RBMS1: variants seen among roughly 807,000 people sequenced by gnomAD.
RBMS1 encodes the protein RNA binding motif single stranded interacting protein 1.
A neutral mutation model predicts 62.3 loss-of-function variants in RBMS1; 17 were observed. That is an observed-to-expected ratio of 0.27 (90% CI 0.19 to 0.41). The LOEUF is 0.41. Among genes scored for constraint, RBMS1 ranks in the 10% least tolerant of loss-of-function variants. The probability of loss-of-function intolerance (pLI) is 1.00; values close to 1 mark genes in which losing one functional copy is unlikely to be tolerated. For synonymous variants in RBMS1, 172 were observed against 170.0 expected, an observed-to-expected ratio of 1.01 and a Z score of -0.09; for missense variants, 334 against 504.5, an observed-to-expected ratio of 0.66 and a Z score of 3.24.
intron 1 of RBMS1, among the ~76,000 whole-genome samples, chr2:160,477,132 A>T (rs1685175930): frequency 6.6e-6 from 1 of 152,172 alleles, no homozygotes; most frequent in African/African-American, 2.4e-5. Flanking sequence ...TTTTTTAAGC[A>T]ACGAAAGAAT....
chr2:160,387,600 C>G (rs1694651741), intron 1 of RBMS1, among the ~76,000 whole-genome samples: 1 of 152,104 alleles, frequency 6.6e-6, no homozygotes, highest in South Asian at 2.1e-4. Context: ...CTTTCCTACT[C>G]TGTGTACAGC....
At position 160,472,744 on chromosome 2, in the gene RBMS1, T is replaced by C. The variant is rs76253282; in HGVS notation, c.75+20545A>G. Among the ~76,000 whole-genome samples the C allele has an allele frequency of 5.7e-3, 871 of 152,330 alleles. 4 individuals carry two copies. Among genetic ancestry groups the C allele is most frequent in the Non-Finnish European group, 9.3e-3 (635 of 68,008 alleles). On this transcript the variant is annotated intron_variant, in intron 1 of 13. Transcript: ENST00000348849. ...AGCTCAGTTGCAAACAATATAAGTA[T>C]TGCATTCTTTGACAGTCACAGAAAT...
chr2:160,400,489 ATT>A (rs1475460549), intron 1 of RBMS1, among the ~76,000 whole-genome samples: 1 of 152,216 alleles, frequency 6.6e-6, no homozygotes, highest in East Asian at 1.9e-4. Context: ...GGCTTGTCAC[ATT>A]TAATACAGAA....
chr2:160,278,303 T>A lies in RBMS1; in HGVS notation c.1062+245A>T, dbSNP rs1687937026. The stretch of plus-strand genomic sequence containing the variant: ...ATAGATGACACTAGTCATAAAAGGC[T>A]AGATGTGGTCACGTGTGGGTGCTAT... On this transcript the variant is annotated intron_variant, in intron 11 of 13. Transcript: ENST00000348849. 5.7e-6 allele frequency: 3 copies of A among 530,752 alleles called. No homozygotes were observed. In the East Asian group the frequency reaches 1.0e-4, roughly 18 times the overall value. 32.9% of individuals were successfully genotyped at this position (530,752 alleles called of 1,614,324 possible). A position where few individuals can be genotyped will look rare whatever the true frequency, so the allele number is the denominator to read the frequency against.
At chr2:160,372,715 G>T (rs1693791949) in intron 1 of RBMS1, among the ~76,000 whole-genome samples, 1 of 152,152 alleles carries the variant, frequency 6.6e-6, no homozygotes. Context: ...CCATATGAGT[G>T]ACTGAGAGAG....
intron 1 of RBMS1, among the ~76,000 whole-genome samples, chr2:160,433,416 G>GA (rs1019490496): frequency 5.3e-5 from 8 of 152,158 alleles, no homozygotes; most frequent in African/African-American, 1.2e-4. Context: ...CTTGTCGCCA[G>GA]AAAAAAACAA....
intron 1 of RBMS1, among the ~76,000 whole-genome samples, chr2:160,472,945 T>C (rs535095648): frequency 5.3e-5 from 8 of 152,326 alleles, no homozygotes; most frequent in Admixed American, 3.3e-4. Context: ...ATAATGGTGC[T>C]CTTTTAGCAG....
At chr2:160,471,526 G>C (rs1441703733) in intron 1 of RBMS1, among the ~76,000 whole-genome samples, 2 of 151,176 alleles carry the variant, frequency 1.3e-5, no homozygotes, top group Non-Finnish European at 3.0e-5. Context: ...TATTTTTGGG[G>C]AGAGAGAAGC....
intron 1 of RBMS1, among the ~76,000 whole-genome samples, chr2:160,384,193 T>C (rs2105195426): frequency 6.6e-6 from 1 of 152,254 alleles, no homozygotes. Flanking sequence ...CGAGACTCTG[T>C]CTCAAAATAA....
chr2:160,318,232 A>G lies in RBMS1; in HGVS notation c.252-5T>C. ...GTGGAGACTATTTTCCCATATCTAA[A>G]AAAAAAAAAAAAAAAAAAAAGGAAA... On this transcript the variant is annotated splice_polypyrimidine_tract_variant and splice_region_variant and intron_variant, in intron 2 of 13. Coordinates refer to ENST00000348849, the MANE Select transcript of RBMS1 (RefSeq NM_016836.4). 4.0e-6 allele frequency: 3 copies of G among 751,124 alleles called. No individual in the cohort carries two copies. The highest frequency in any genetic ancestry group is 1.8e-6 in the Non-Finnish European group (1 of 551,872). 46.5% of individuals were successfully genotyped at this position (751,124 alleles called of 1,614,324 possible).
At chr2:160,372,017 A>C (rs890935877) in intron 1 of RBMS1, among the ~76,000 whole-genome samples, 7 of 152,228 alleles carry the variant, frequency 4.6e-5, no homozygotes, top group African/African-American at 1.7e-4. Flanking sequence ...ATGTGAACTA[A>C]AATACATTAG....
intron 2 of RBMS1, among the ~76,000 whole-genome samples, chr2:160,339,432 T>C (rs559671686): frequency 6.6e-6 from 1 of 152,210 alleles, no homozygotes; most frequent in Non-Finnish European, 1.5e-5. Flanking sequence ...TCCTGTGTTT[T>C]GGATGTAGTT....
At chr2:160,439,413 G>T (rs1683294544) in intron 1 of RBMS1, among the ~76,000 whole-genome samples, 2 of 151,906 alleles carry the variant, frequency 1.3e-5, no homozygotes, top group African/African-American at 4.8e-5. Flanking sequence ...TCACATCCCG[G>T]ACGGGGCGGC....
At chr2:160,468,004 T>C (rs143849348) in intron 1 of RBMS1, among the ~76,000 whole-genome samples, 66 of 152,256 alleles carry the variant, frequency 4.3e-4, no homozygotes, top group Non-Finnish European at 8.7e-4. Context: ...CAGTCTCAGA[T>C]TGGTAGTGTC....
At chr2:160,281,689 C>A (rs1391954645) in intron 9 of RBMS1, 1 of 217,904 alleles carries the variant, frequency 4.6e-6, no homozygotes, top group Non-Finnish European at 9.1e-6. Context: ...AACACAGCAA[C>A]AACTCAAATA....
chr2:160,328,335 A>AT lies in RBMS1; in HGVS notation c.252-10109dup, dbSNP rs561523302. ...TTACCTAGACTACCTTCTTACCCTA[A>AT]TATCAATGTGATCCAATGTGGCAAA... On this transcript the variant is annotated intron_variant, in intron 2 of 13. Coordinates refer to ENST00000348849, the MANE Select transcript of RBMS1 (RefSeq NM_016836.4). 7.9e-5 allele frequency among the ~76,000 whole-genome samples: 12 copies of AT among 152,212 alleles called. No homozygotes were observed. In the South Asian group the frequency reaches 2.5e-3, roughly 32 times the overall value.
At chr2:160,292,999 GA>G (rs1481646663) in intron 6 of RBMS1, among the ~76,000 whole-genome samples, 4 of 152,346 alleles carry the variant, frequency 2.6e-5, no homozygotes, top group Non-Finnish European at 5.9e-5. Context: ...TATAGCCCTT[GA>G]AAGGTACAGC....
Position 160,389,698 on chromosome 2 carries a change from CAAAAAAAAAAAAAA to C in RBMS1, c.76-22321_76-22308del, listed in dbSNP as rs61570926. Among the ~76,000 whole-genome samples, 6 of 50,380 alleles carry C rather than the reference CAAAAAAAAAAAAAA, an allele frequency of 1.2e-4. No homozygotes were observed. The South Asian group carries it at 6.8e-3, about 58-fold the overall frequency. 33.1% of individuals were successfully genotyped at this position (50,380 alleles called of 152,430 possible). A position where few individuals can be genotyped will look rare whatever the true frequency, so the allele number is the denominator to read the frequency against. On this transcript the variant is annotated intron_variant, in intron 1 of 13. Transcript: ENST00000348849. ...AGGCAACAGAGCAAGACTCTTGTCT[CAAAAAAAAAAAAAA>C]AAAAAAAAAAAAAAAAGGCAAAAAA...
intron 2 of RBMS1, among the ~76,000 whole-genome samples, chr2:160,364,061 C>T (rs529374409): frequency 6.6e-6 from 1 of 152,242 alleles, no homozygotes; most frequent in African/African-American, 2.4e-5. Context: ...TGAGAAGTCT[C>T]AATGAGAGAA....
Sources: gnomAD v4.1 joint callset for allele counts (sites outside exome capture counted in the v4.1 genomes callset) on GRCh38, gnomAD v4.1.1 for gene constraint, MANE v1.5 for transcripts, NCBI Gene and HGNC (gene_info 2026-07-23, HGNC 2026-07-21) for gene names.